Variants in NARS2 observed in about 807,000 individuals in gnomAD.
NARS2 encodes asparaginyl-tRNA synthetase 2, mitochondrial.
In NARS2, 60 loss-of-function variants were observed where a neutral mutation model predicts 62.9. The observed-to-expected ratio is 0.95, with a 90% CI of 0.77 to 1.18. NARS2 has a LOEUF of 1.18. NARS2 is among the 50% of genes most tolerant of loss of function. NARS2 has a pLI of 0.00. For synonymous variants in NARS2, 196 were observed against 200.0 expected (o/e 0.98, Z 0.17); for missense variants, 619 against 576.4 (o/e 1.07, Z -0.76).
Position 78,566,300 on chromosome 11 carries a change from G to C in NARS2, c.373-28C>G, listed in dbSNP as rs549657404. 2.6e-6 allele frequency: 4 copies of C among 1,547,384 alleles called. 1 individual carries two copies. The African/African-American group carries it at 5.5e-5, about 21-fold the overall frequency. On this transcript the variant is annotated intron_variant, in intron 3 of 13. Transcript: ENST00000281038. ...GCCAATAAATGAAAAGAACAAATTA[G>C]AAGTCAAAAGAGATACTGTTTAATA...
chr11:78,563,427 A>C (rs1856619684), intron 4 of NARS2, among the ~76,000 whole-genome samples: 1 of 151,882 alleles, frequency 6.6e-6, no homozygotes, highest in Admixed American at 6.5e-5. Context: ...CATGTTGGCC[A>C]GGATGGTCTC....
chr11:78,521,789 CA>C (rs58282524), intron 6 of NARS2, among the ~76,000 whole-genome samples: 337 of 96,380 alleles, frequency 3.5e-3, no homozygotes, highest in African/African-American at 0.012. Context: ...GACTCCGTCT[CA>C]AAAAAAAAAA....
intron 11 of NARS2, among the ~76,000 whole-genome samples, chr11:78,464,942 C>T (rs538652205): frequency 1.3e-5 from 2 of 152,384 alleles, no homozygotes; most frequent in South Asian, 4.1e-4. Flanking sequence ...GCAGGTGGAC[C>T]TGCCTGCCAG....
At chr11:78,482,588 C>T (rs1417236553) in intron 7 of NARS2, among the ~76,000 whole-genome samples, 1 of 152,128 alleles carries the variant, frequency 6.6e-6, no homozygotes, top group East Asian at 1.9e-4. Context: ...GAAATACAAA[C>T]TACCATCAGA....
chr11:78,486,218 T>C (rs1191102813), intron 7 of NARS2, among the ~76,000 whole-genome samples: 2 of 152,086 alleles, frequency 1.3e-5, no homozygotes, highest in African/African-American at 2.4e-5. Flanking sequence ...TTAGACCCAA[T>C]GGTGGCCACA....
At chr11:78,470,308 T>C (rs920642802) in intron 9 of NARS2, among the ~76,000 whole-genome samples, 4 of 152,194 alleles carry the variant, frequency 2.6e-5, no homozygotes, top group Non-Finnish European at 5.9e-5. Flanking sequence ...CTTGTCTACA[T>C]AGTTTTAAAA....
At position 78,536,615 on chromosome 11, in the gene NARS2, C is replaced by T. The variant is rs541770929; in HGVS notation, c.595-7679G>A. Among the ~76,000 whole-genome samples, 6 of 151,326 alleles carry T rather than the reference C, an allele frequency of 4.0e-5. No homozygotes were observed. In the East Asian group the frequency reaches 9.7e-4, roughly 24 times the overall value. ...AGAAAATATTTTTGTACTCATACAA[C>T]GTGTTTTAAGTATTATGAAAGAGTA... is the stretch of plus-strand genomic sequence containing the variant. On this transcript the variant is annotated intron_variant, in intron 5 of 13. Transcript: ENST00000281038.
chr11:78,487,863 C>T lies in NARS2; in HGVS notation c.822+5200G>A, dbSNP rs773189665. The stretch of plus-strand genomic sequence containing the variant: ...CTGTGGAAGCATCTTTCAGAAATGA[C>T]AGTAAAATGAAAAAATTCTCAAGTG... On this transcript the variant is annotated intron_variant, in intron 7 of 13. Transcript: ENST00000281038. Among the ~76,000 whole-genome samples, 136 of 152,134 alleles carry T rather than the reference C, an allele frequency of 8.9e-4. 1 individual carries two copies. Among genetic ancestry groups the T allele is most frequent in the Non-Finnish European group, 8.7e-4 (59 of 67,990 alleles).
chr11:78,483,341 C>T (rs1373571602), intron 7 of NARS2, among the ~76,000 whole-genome samples: 2 of 152,156 alleles, frequency 1.3e-5, no homozygotes, highest in Admixed American at 6.5e-5. Flanking sequence ...GACAAGGATG[C>T]CCTCTCTCAC....
intron 6 of NARS2, among the ~76,000 whole-genome samples, chr11:78,514,553 G>C (rs1428665854): frequency 1.3e-5 from 2 of 152,294 alleles, no homozygotes; most frequent in East Asian, 3.9e-4. Context: ...TTGCTCAAAA[G>C]GCTCACTGGG....
chr11:78,491,907 G>A (rs1289551789), intron 7 of NARS2, among the ~76,000 whole-genome samples: 1 of 152,042 alleles, frequency 6.6e-6, no homozygotes, highest in Non-Finnish European at 1.5e-5. Flanking sequence ...TACTGGGTAA[G>A]AGTAGAAAGA....
intron 5 of NARS2, among the ~76,000 whole-genome samples, chr11:78,551,491 G>A (rs927356640): frequency 2.6e-5 from 4 of 152,156 alleles, no homozygotes; most frequent in Non-Finnish European, 4.4e-5. Context: ...GTTGCTATGC[G>A]GCACATGACT....
chr11:78,523,805 G>T (rs1418353505), intron 6 of NARS2, among the ~76,000 whole-genome samples: 1 of 152,092 alleles, frequency 6.6e-6, no homozygotes, highest in Admixed American at 6.6e-5. Flanking sequence ...GTTGCCCAGG[G>T]GTGGGGGCAA....
intron 7 of NARS2, among the ~76,000 whole-genome samples, chr11:78,485,406 A>C (rs189368929): frequency 6.6e-6 from 1 of 152,196 alleles, no homozygotes; most frequent in South Asian, 2.1e-4. Context: ...GTAAAAAAAA[A>C]CAAAAAAAAC....
Position 78,571,366 on chromosome 11 carries a change from G to C in NARS2, c.220C>G (p.Gln74Glu), listed in dbSNP as rs1856916079. 1 of 1,613,404 alleles carries C rather than the reference G, an allele frequency of 6.2e-7. No individual in the cohort carries two copies. Among genetic ancestry groups the C allele is most frequent in the South Asian group, 1.1e-5 (1 of 91,026 alleles). ...TCAAGGCCTGAATCTGCAACAACCT[G>C]AAGGCTTTCCAAAGATGACCCATCA... ...VNDGSSLESL[Q>E]VVADSGLDSR... Residue 74 changes from glutamine to glutamate, a missense_variant, in exon 2 of 14, where the codon CAG becomes GAG. Gln to Glu is a conservative substitution (Grantham distance 29). Coordinates refer to ENST00000281038, the MANE Select transcript of NARS2 (RefSeq NM_024678.6).
In NARS2 at chr11:78,474,823, T is replaced by C. The variant is rs149169902; in HGVS notation, c.959+3615A>G. ...TTTTAATTGACAAATATTTTATGTATTTACAGGATACAATGTGTTTTTGGT... is the reference window on the plus strand; with the variant it reads ...TTTTAATTGACAAATATTTTATGTACTTACAGGATACAATGTGTTTTTGGT... On this transcript the variant is annotated intron_variant, in intron 9 of 13. Coordinates refer to ENST00000281038, the MANE Select transcript of NARS2 (RefSeq NM_024678.6). Among the ~76,000 whole-genome samples the C allele has an allele frequency of 5.1e-3, 783 of 152,310 alleles. 4 individuals carry two copies. The highest frequency in any genetic ancestry group is 0.018 in the African/African-American group (758 of 41,564).
At chr11:78,524,566 T>C (rs964197190) in intron 6 of NARS2, among the ~76,000 whole-genome samples, 2 of 152,148 alleles carry the variant, frequency 1.3e-5, no homozygotes, top group African/African-American at 4.8e-5. Context: ...GAATACTTCA[T>C]TATGTGACAT....
chr11:78,555,668 T>C (rs2135505402), intron 5 of NARS2, among the ~76,000 whole-genome samples: 1 of 152,338 alleles, frequency 6.6e-6, no homozygotes, highest in East Asian at 1.9e-4. Flanking sequence ...TTTTTTTGTG[T>C]CTCAGCTTCC....
intron 6 of NARS2, among the ~76,000 whole-genome samples, chr11:78,507,545 A>G (rs1860551086): frequency 6.9e-6 from 1 of 144,816 alleles, no homozygotes; most frequent in Non-Finnish European, 1.5e-5. Context: ...TTTGAGACAC[A>G]GTCTTGCTCT....
Sources: gnomAD v4.1 joint callset for allele counts (sites outside exome capture counted in the v4.1 genomes callset) on GRCh38, gnomAD v4.1.1 for gene constraint, MANE v1.5 for transcripts, NCBI Gene and HGNC (gene_info 2026-07-23, HGNC 2026-07-21) for gene names.